The following RALGDS variants were observed in gnomAD, a reference collection of about 807,000 sequenced individuals.
RALGDS encodes the protein ral guanine nucleotide dissociation stimulator.
Under a neutral mutation model 99.8 loss-of-function variants are expected in RALGDS, and 44 were observed. That is an observed-to-expected ratio of 0.44 (90% confidence interval 0.35 to 0.57). The LOEUF (loss-of-function observed/expected upper bound fraction) is 0.57, where lower values mean the gene tolerates loss of function less well. Ranked by LOEUF, RALGDS falls within the 20% of genes least tolerant of loss-of-function variation. The pLI is 0.01. For synonymous variants in RALGDS, 529 were observed against 505.0 expected (o/e 1.05, Z -0.64); for missense variants, 1,022 against 1,203.1 (o/e 0.85, Z 2.23).
At chr9:133,120,822 G>A in intron 1 of RALGDS, 150 bp downstream of exon 1, 3 of 896,908 alleles carry the variant, frequency 3.3e-6, no homozygotes, top group Non-Finnish European at 4.6e-6. Context: ...TTCTGCAGAA[G>A]GCCCCGACCC....
chr9:133,100,481 A>C, intron 16 of RALGDS, 99 bp from the exon 17 acceptor site: 1 of 1,601,424 alleles, frequency 6.2e-7, no homozygotes, highest in South Asian at 1.1e-5. Flanking sequence ...CTCAGCACCA[A>C]GCACAGGCAC....
At chr9:133,106,158 C>A (rs1202113304) in intron 8 of RALGDS, 142 bp from the exon 9 acceptor site, 3 of 694,268 alleles carry the variant, frequency 4.3e-6, no homozygotes, top group Admixed American at 2.1e-5. Flanking sequence ...TAACGCTCTG[C>A]AGGTCTGGGG....
At chr9:133,120,870 G>A in intron 1 of RALGDS, 102 bp downstream of exon 1, 6 of 1,261,376 alleles carry the variant, frequency 4.8e-6, no homozygotes, top group Non-Finnish European at 6.1e-6. Context: ...CGGCCCGCTG[G>A]GATCGCCCGG....
intron 1 of RALGDS, among the ~76,000 whole-genome samples, chr9:133,128,377 C>T (rs1001719219): frequency 6.6e-6 from 1 of 152,052 alleles, no homozygotes; most frequent in Admixed American, 6.5e-5. Flanking sequence ...CCAGAGGGTC[C>T]CATAGTCTCA....
chr9:133,128,135 T>A (rs1005552286), intron 1 of RALGDS, among the ~76,000 whole-genome samples: 5 of 152,010 alleles, frequency 3.3e-5, no homozygotes, highest in Non-Finnish European at 7.4e-5. Context: ...CCTGGCACTG[T>A]GAGGAGTCAC....
chr9:133,137,465 G>T (rs958486997), intron 1 of RALGDS, among the ~76,000 whole-genome samples: 1 of 152,206 alleles, frequency 6.6e-6, no homozygotes, highest in Non-Finnish European at 1.5e-5. Flanking sequence ...GAGCTCCTTG[G>T]AAGAGGTGAT....
chr9:133,146,570 C>T (rs546439875), intron 1 of RALGDS, among the ~76,000 whole-genome samples: 1 of 152,314 alleles, frequency 6.6e-6, no homozygotes, highest in Admixed American at 6.5e-5. Context: ...CCCCAGAGAT[C>T]CCTGCCTCCT....
At chr9:133,141,960 G>A (rs764582437) in intron 1 of RALGDS, among the ~76,000 whole-genome samples, 4 of 152,198 alleles carry the variant, frequency 2.6e-5, no homozygotes, top group African/African-American at 4.8e-5. Flanking sequence ...GCTGCAGGGC[G>A]GCAAAGCACA....
At chr9:133,103,609 T>C in intron 11 of RALGDS, 138 bp downstream of exon 11, 3 of 930,248 alleles carry the variant, frequency 3.2e-6, no homozygotes, top group Non-Finnish European at 5.3e-6. Flanking sequence ...AGCTCTGTGT[T>C]TGGGCAGCCC....
chr9:133,140,984 C>T (rs764435437), intron 1 of RALGDS, among the ~76,000 whole-genome samples: 13 of 152,164 alleles, frequency 8.5e-5, no homozygotes, highest in Non-Finnish European at 1.3e-4. Flanking sequence ...TGAGCCCAGC[C>T]GACGACCCCC....
intron 10 of RALGDS, 116 bp downstream of exon 10, chr9:133,104,147 G>T: frequency 1.8e-6 from 2 of 1,103,980 alleles, no homozygotes; most frequent in Middle Eastern, 2.8e-4. Flanking sequence ...CTCTGCTAGG[G>T]TCCAGAGGAG....
Position 133,144,518 on chromosome 9 carries a change from C to A in RALGDS, c.18+4445G>T, listed in dbSNP as rs536590867. 9.2e-5 allele frequency among the ~76,000 whole-genome samples: 14 copies of A among 152,362 alleles called. No homozygotes were observed. The East Asian group carries it at 2.7e-3, about 29-fold the overall frequency. On this transcript the variant is annotated intron_variant, in intron 1 of 17. Transcript: ENST00000393160. The surrounding 1 kb of genome is among the most constrained non-coding windows in gnomAD (Gnocchi z 4.5). Reference sequence around the variant, plus strand: ...TGGCCTGTTTACAGCTGTGCGCAAGCTCCTCGCGACCCGAAAGCGAGACCT... The same window carrying A: ...TGGCCTGTTTACAGCTGTGCGCAAGATCCTCGCGACCCGAAAGCGAGACCT...
intron 1 of RALGDS, among the ~76,000 whole-genome samples, chr9:133,116,589 G>A (rs557147930): frequency 2.0e-5 from 3 of 152,258 alleles, no homozygotes; most frequent in Non-Finnish European, 4.4e-5. Context: ...CCCGGGAGGG[G>A]CGTGGCTGGT....
chr9:133,108,486 A>G lies in RALGDS; in HGVS notation c.779-80T>C, dbSNP rs914225498. ...GACACAGAACAGCCCCGGCTTCCAG[A>G]GAAGCCTCTCTCCCCGAACCCACAA... is the stretch of plus-strand genomic sequence containing the variant. On this transcript the variant is annotated intron_variant, in intron 5 of 17. Coordinates refer to ENST00000372050, the MANE Select transcript of RALGDS (RefSeq NM_006266.4). The G allele has an allele frequency of 1.4e-5, 20 of 1,455,076 alleles. No individual in the cohort carries two copies. In the Admixed American group the frequency reaches 3.1e-4, roughly 23 times the overall value. The allele number at this position is 1,455,076 out of a possible 1,614,324, so 90.1% of individuals were successfully genotyped here. A position where few individuals can be genotyped will look rare whatever the true frequency, so the allele number is the denominator to read the frequency against.
At chr9:133,148,818 T>TC in intron 1 of RALGDS, 2 of 964,612 alleles carry the variant, frequency 2.1e-6, no homozygotes, top group Non-Finnish European at 3.0e-6. Context: ...TTCCCTACTG[T>TC]CCCGGGCGGG....
At position 133,101,415 on chromosome 9, in the gene RALGDS, C is replaced by T. The variant is rs62576824; in HGVS notation, c.2454+105G>A. On this transcript the variant is annotated intron_variant, in intron 16 of 17. Coordinates refer to ENST00000372050, the MANE Select transcript of RALGDS (RefSeq NM_006266.4). ...TACCTGGCTGACATCTGTCCTTCCCCGCCAACTACAAGGTAGACCCCGGGA... is the reference window on the plus strand; with the variant it reads ...TACCTGGCTGACATCTGTCCTTCCCTGCCAACTACAAGGTAGACCCCGGGA... 47 of 1,588,002 alleles carry T rather than the reference C, an allele frequency of 3.0e-5. No homozygotes were observed. In the Admixed American group the frequency reaches 3.2e-4, roughly 11 times the overall value.
chr9:133,102,857 C>T lies in RALGDS; in HGVS notation c.1835G>A (p.Cys612Tyr). 6.2e-7 allele frequency: 1 copy of T among 1,613,650 alleles called. No individual in the cohort carries two copies. The highest frequency in any genetic ancestry group is 8.5e-7 in the Non-Finnish European group (1 of 1,179,990). Residue 612 changes from cysteine to tyrosine, a missense_variant, in exon 13 of 18, where the codon TGC becomes TAC. Physicochemically the swap from Cys to Tyr is radical, Grantham distance 194. Transcript: ENST00000372050. ...IAQIKLLQSA[C>Y]NNYSIAPDEQ... ...ATCTGGCGCGATGCTGTAGTTGTTG[C>T]AGGCCGACTGCAGCAGCTTGATCTG...
rs1307149910 is a variant in RALGDS at position 133,110,502 on chromosome 9, A to G, written c.295-13T>C. The stretch of plus-strand genomic sequence containing the variant: ...ACTCATTCTCATACTGGGGTGGGAC[A>G]GAGGAGGGACAGACAGTCAGTGGCA... On this transcript the variant is annotated splice_polypyrimidine_tract_variant and intron_variant, in intron 2 of 17. Coordinates refer to ENST00000372050, the MANE Select transcript of RALGDS (RefSeq NM_006266.4). 1 of 1,602,970 alleles carries G rather than the reference A, an allele frequency of 6.2e-7. No homozygotes were observed. The highest frequency in any genetic ancestry group is 8.5e-7 in the Non-Finnish European group (1 of 1,171,558).
Position 133,107,358 on chromosome 9 carries a change from G to A in RALGDS, c.1198-58C>T. ...CCCCAGCAGTCTGGGCTGGTGCTGGGGAAGCTGAGGATGCAGCTTGAGCCT... is the reference window on the plus strand; with the variant it reads ...CCCCAGCAGTCTGGGCTGGTGCTGGAGAAGCTGAGGATGCAGCTTGAGCCT... On this transcript the variant is annotated intron_variant, in intron 6 of 17. Transcript: ENST00000372050. The A allele has an allele frequency of 4.2e-6, 6 of 1,443,010 alleles. No homozygotes were observed. In the Admixed American group the frequency reaches 9.4e-5, roughly 23 times the overall value. The allele number at this position is 1,443,010 out of a possible 1,614,324, so 89.4% of individuals were successfully genotyped here. A position where few individuals can be genotyped will look rare whatever the true frequency, so the allele number is the denominator to read the frequency against.
Sources: allele counts gnomAD v4.1 joint callset (sites outside exome capture counted in the v4.1 genomes callset), GRCh38; gene constraint gnomAD v4.1.1; non-coding constraint Gnocchi (gnomAD v3.1); transcripts MANE v1.5; gene names NCBI Gene and HGNC (gene_info 2026-07-23, HGNC 2026-07-21).